Variants in FN1 observed in about 807,000 individuals in gnomAD.
FN1 encodes fibronectin 1.
A neutral mutation model predicts 297.3 loss-of-function variants in FN1; 106 were observed. The observed-to-expected ratio is 0.36, with a 90% CI of 0.30 to 0.42. The LOEUF is 0.42. Among genes scored for constraint, FN1 ranks in the 10% least tolerant of loss-of-function variants. FN1 has a pLI of 1.00. For missense variants in FN1, 2,690 were observed against 3,124.9 expected, an observed-to-expected ratio of 0.86 and a Z score of 3.32; for synonymous variants, 1,149 against 1,152.6, an observed-to-expected ratio of 1.00 and a Z score of 0.06.
chr2:215,379,049 G>T (rs2057792194), intron 34 of FN1, 81 bp downstream of exon 34: 19 of 1,155,804 alleles, frequency 1.6e-5, no homozygotes, highest in Non-Finnish European at 2.4e-5. Context: ...GATTTATTAT[G>T]ATATTATATT....
At chr2:215,380,451 G>A in intron 33 of FN1, 1 of 283,034 alleles carries the variant, frequency 3.5e-6, no homozygotes, top group East Asian at 8.5e-5. Context: ...CCCGAGTTTG[G>A]GTTCCTTTTT....
Position 215,394,687 on chromosome 2 carries a change from T to C in FN1, c.3637A>G (p.Thr1213Ala), listed in dbSNP as rs138955024. Residue 1213 changes from threonine (T) to alanine (A), a missense_variant, in exon 24 of 46, where the codon ACA becomes GCA. By Grantham distance (58) the Thr-to-Ala change is moderately conservative. Around this residue, in one of 3 missense-constraint regions of FN1, gnomAD observed 1,743 missense variants for 1,945.2 expected, o/e 0.90. Transcript: ENST00000354785. ...ITGYRITTTP[T>A]NGQQGNSLEE... is the part of the protein sequence containing the mutation. ...AAAGAATTTCCCTGCTGGCCGTTTG[T>C]AGGGGTTGTGGTAATTCTATAACCA... The C allele has an allele frequency of 6.2e-7, 1 of 1,613,964 alleles. No homozygotes were observed. Among genetic ancestry groups the C allele is most frequent in the Non-Finnish European group, 8.5e-7 (1 of 1,179,972 alleles).
intron 6 of FN1, among the ~76,000 whole-genome samples, chr2:215,426,175 G>A (rs1279974319): frequency 2.7e-3 from 317 of 116,184 alleles, no homozygotes; most frequent in Non-Finnish European, 3.9e-3. Context: ...TTGAGACGGA[G>A]TCTCACTCTG....
chr2:215,396,257 G>A (rs1199760204), intron 23 of FN1, among the ~76,000 whole-genome samples: 1 of 152,004 alleles, frequency 6.6e-6, no homozygotes, highest in Non-Finnish European at 1.5e-5. Context: ...ACATTAATTG[G>A]AACTTTTATT....
At chr2:215,418,981 T>C (rs750970484) in intron 12 of FN1, among the ~76,000 whole-genome samples, 12 of 152,238 alleles carry the variant, frequency 7.9e-5, no homozygotes, top group Non-Finnish European at 1.8e-4. Context: ...CAGAGTGTCT[T>C]AACCTAACAG....
chr2:215,428,913 G>A (rs577940369), intron 5 of FN1, among the ~76,000 whole-genome samples: 26 of 152,248 alleles, frequency 1.7e-4, no homozygotes, highest in African/African-American at 5.1e-4. Flanking sequence ...TACTCGGGAA[G>A]CTGAGGCAAG....
At chr2:215,427,397 C>T (rs112395501) in intron 6 of FN1, among the ~76,000 whole-genome samples, 1 of 152,148 alleles carries the variant, frequency 6.6e-6, no homozygotes, top group African/African-American at 2.4e-5. Context: ...TTAATCAAAA[C>T]ATATTAAAAA....
In FN1 at chr2:215,375,660, C is replaced by T. The variant is rs1559361372; in HGVS notation, c.5946G>A (p.Arg1982=). 6.2e-7 allele frequency: 1 copy of T among 1,613,450 alleles called. No homozygotes were observed. The highest frequency in any genetic ancestry group is 8.5e-7 in the Non-Finnish European group (1 of 1,179,446). The part of the protein sequence containing the change: ...IYLYTLNDNA[R]SSPVVIDAST... ...AGGCGTCGATGACCACAGGGGAGCT[C>T]CGAGCATTGTCATTCAAGGTGTACA... Residue 1982 remains arginine (R), a synonymous_variant, in exon 37 of 46, where the codon CGG becomes CGA. Transcript: ENST00000354785.
intron 30 of FN1, 67 bp from the exon 31 acceptor site, chr2:215,383,550 C>G: frequency 6.7e-7 from 1 of 1,496,284 alleles, no homozygotes; most frequent in Non-Finnish European, 9.3e-7. Flanking sequence ...GACAAGTCCT[C>G]CTCTCTAGGT....
At chr2:215,377,892 C>T (rs41347752) in intron 35 of FN1, among the ~76,000 whole-genome samples, 4 of 152,162 alleles carry the variant, frequency 2.6e-5, no homozygotes, top group African/African-American at 9.6e-5. Flanking sequence ...GACAGTCATG[C>T]GTCAAAAAGG....
At chr2:215,417,255 T>G (rs947219095) in intron 12 of FN1, among the ~76,000 whole-genome samples, 2 of 152,162 alleles carry the variant, frequency 1.3e-5, no homozygotes, top group African/African-American at 4.8e-5. Flanking sequence ...CTTTACTCCC[T>G]CTCTTATTCA....
At position 215,386,786 on chromosome 2, in the gene FN1, G is replaced by C; in HGVS notation, c.4515C>G (p.Thr1505=). The C allele has an allele frequency of 1.9e-6, 3 of 1,613,852 alleles. No homozygotes were observed. Among genetic ancestry groups the C allele is most frequent in the Non-Finnish European group, 2.5e-6 (3 of 1,179,958 alleles). ...DRVPHSRNSI[T]LTNLTPGTEY... ...CTGTGCCTGGAGTGAGGTTGGTGAG[G>C]GTGATGGAATTCCGAGAGTGGGGCA... Residue 1505 remains threonine (T), a synonymous_variant, in exon 28 of 46, where the codon ACC becomes ACG. Transcript: ENST00000354785.
chr2:215,372,343 G>C lies in FN1; in HGVS notation c.6280C>G (p.Pro2094Ala), dbSNP rs2056381605. 6.2e-7 allele frequency: 1 copy of C among 1,614,216 alleles called. No homozygotes were observed. Reference protein sequence around the residue: ...ELPQLVTLPHPNLHGPEILDV... With the variant: ...ELPQLVTLPHANLHGPEILDV... The stretch of plus-strand genomic sequence containing the variant: ...AAGATCTCTGGTCCATGAAGATTGG[G>C]GTGTGGAAGGGTTACCAGTTGGGGA... The change falls in exon 40 of 46, where the codon CCC (proline) becomes GCC (alanine). Residue 2094 changes from proline (P) to alanine (A), a missense_variant. Pro to Ala is a conservative substitution (Grantham distance 27). This residue lies in a region of FN1 where 1,743 missense variants were observed against 1,945.2 expected (regional missense o/e 0.90). Coordinates refer to ENST00000354785, the MANE Select transcript of FN1 (RefSeq NM_212482.4).
rs374323546 is a variant in FN1, at chr2:215,425,042, A to G, written c.1036+52T>C. The stretch of plus-strand genomic sequence containing the variant: ...CACATTGAAAATGTATTGTCCTTCA[A>G]AAACTAAATAATAAAGTCATCAGTC... On this transcript the variant is annotated intron_variant, in intron 7 of 45. Coordinates refer to ENST00000354785, the MANE Select transcript of FN1 (RefSeq NM_212482.4). The G allele has an allele frequency of 9.2e-6, 14 of 1,528,110 alleles. No individual in the cohort carries two copies. In the African/African-American group the frequency reaches 1.8e-4, roughly 19 times the overall value. 94.7% of individuals were successfully genotyped at this position (1,528,110 alleles called of 1,614,324 possible).
intron 10 of FN1, among the ~76,000 whole-genome samples, chr2:215,421,854 C>A (rs534728641): frequency 1.8e-4 from 28 of 152,242 alleles, no homozygotes; most frequent in African/African-American, 5.5e-4. Context: ...TTTGGCTCAG[C>A]CTAAGTACTT....
Position 215,397,794 on chromosome 2 carries a change from A to G in FN1, c.3403T>C (p.Ser1135Pro), listed in dbSNP as rs1229712306. 5.0e-6 allele frequency: 8 copies of G among 1,614,124 alleles called. No homozygotes were observed. Among genetic ancestry groups the G allele is most frequent in the East Asian group, 2.2e-5 (1 of 44,874 alleles). ...AAGCCGGACACAACGATGCTTCCTG[A>G]GTCTGAAGTCACTTCTCGTGGTGCC... Reference protein sequence around the residue: ...GEAPREVTSDSGSIVVSGLTP... With the variant: ...GEAPREVTSDPGSIVVSGLTP... The change falls in exon 22 of 46, where the codon TCA becomes CCA. Residue 1135 changes from serine to proline, a missense_variant. This residue lies in a region of FN1 where 1,743 missense variants were observed against 1,945.2 expected (regional missense o/e 0.90). Coordinates refer to ENST00000354785, the MANE Select transcript of FN1 (RefSeq NM_212482.4).
At chr2:215,407,996 A>T in intron 17 of FN1, 112 bp downstream of exon 17, 1 of 796,546 alleles carries the variant, frequency 1.3e-6, no homozygotes, top group Non-Finnish European at 2.2e-6. Flanking sequence ...CTCTCCCATA[A>T]ATTATATTGG....
At chr2:215,404,737 C>CT (rs775326579) in intron 19 of FN1, 82 bp from the exon 20 acceptor site, 27 of 1,293,970 alleles carry the variant, frequency 2.1e-5, no homozygotes, top group Non-Finnish European at 2.7e-5. Flanking sequence ...GATTGAATGT[C>CT]TAAGTTTTCT....
chr2:215,377,121 C>A (rs546878762), intron 35 of FN1, among the ~76,000 whole-genome samples: 1 of 150,068 alleles, frequency 6.7e-6, no homozygotes, highest in Admixed American at 6.7e-5. Context: ...TCTAATATTA[C>A]GGCAAGTATT....
Sources: gnomAD v4.1 joint callset for allele counts (sites outside exome capture counted in the v4.1 genomes callset) on GRCh38, gnomAD v4.1.1 for gene constraint, gnomAD v4.1.1 regional missense constraint, MANE v1.5 for transcripts, NCBI Gene and HGNC (gene_info 2026-07-23, HGNC 2026-07-21) for gene names.